The following KCNT2 variants were observed in gnomAD, a reference collection of about 807,000 sequenced individuals.
KCNT2 encodes the protein potassium sodium-activated channel subfamily T member 2.
In KCNT2, 67 loss-of-function variants were observed where a neutral mutation model predicts 153.8. The ratio of observed to expected loss-of-function variants is 0.44; its 90% CI spans 0.36 to 0.53. KCNT2 has a LOEUF of 0.53. Ranked by LOEUF, KCNT2 falls within the 20% of genes least tolerant of loss-of-function variation. The pLI is 0.00. For synonymous variants in KCNT2, 500 were observed against 458.8 expected, an observed-to-expected ratio of 1.09 and a Z score of -1.15; for missense variants, 975 against 1,354.8, an observed-to-expected ratio of 0.72 and a Z score of 4.40.
At chr1:196,467,566 T>A (rs956316693) in intron 7 of KCNT2, 137 bp downstream of exon 7, 3 of 460,768 alleles carry the variant, frequency 6.5e-6, no homozygotes, top group Admixed American at 3.6e-5. Context: ...ATAGTATGAG[T>A]TAAACGTTAT....
intron 8 of KCNT2, among the ~76,000 whole-genome samples, chr1:196,449,151 C>T (rs1207392025): frequency 1.3e-5 from 2 of 151,302 alleles, no homozygotes; most frequent in African/African-American, 4.8e-5. Flanking sequence ...AAAAGAAGAC[C>T]GAGTACTCTC....
At chr1:196,334,171 G>T (rs1199921090) in intron 16 of KCNT2, 111 bp from the exon 17 acceptor site, 3 of 650,952 alleles carry the variant, frequency 4.6e-6, no homozygotes, top group Non-Finnish European at 7.9e-6. Flanking sequence ...TATATATAGA[G>T]AGAGTATATA....
chr1:196,320,793 A>G (rs1355625296), intron 19 of KCNT2, among the ~76,000 whole-genome samples: 1 of 151,594 alleles, frequency 6.6e-6, no homozygotes, highest in Admixed American at 6.6e-5. Flanking sequence ...CTTTGTAGTC[A>G]TTAAAATGAC....
chr1:196,558,785 G>A (rs1659016262), intron 1 of KCNT2, among the ~76,000 whole-genome samples: 1 of 151,436 alleles, frequency 6.6e-6, no homozygotes, highest in Non-Finnish European at 1.5e-5. Flanking sequence ...TTGCAGAAAT[G>A]TAGTAAACCT....
At chr1:196,357,266 T>G (rs1667250477) in intron 14 of KCNT2, among the ~76,000 whole-genome samples, 1 of 151,936 alleles carries the variant, frequency 6.6e-6, no homozygotes, top group African/African-American at 2.4e-5. Flanking sequence ...GGGCTTCAAT[T>G]ATATGACCTT....
chr1:196,380,837 C>T (rs1301398491), intron 13 of KCNT2, among the ~76,000 whole-genome samples: 1 of 152,112 alleles, frequency 6.6e-6, no homozygotes, highest in African/African-American at 2.4e-5. Context: ...TAATGTCTTG[C>T]AATCAAGTGA....
chr1:196,543,404 T>A (rs1656646178), intron 1 of KCNT2, among the ~76,000 whole-genome samples: 1 of 152,074 alleles, frequency 6.6e-6, no homozygotes, highest in African/African-American at 2.4e-5. Context: ...TATATAACAA[T>A]AGAAACATAA....
chr1:196,571,976 C>G (rs544408259), intron 1 of KCNT2, among the ~76,000 whole-genome samples: 1 of 152,148 alleles, frequency 6.6e-6, no homozygotes, highest in East Asian at 1.9e-4. Context: ...AAGTAAGAAG[C>G]AGGACCTGAA....
At chr1:196,334,439 A>T (rs1664789676) in intron 16 of KCNT2, among the ~76,000 whole-genome samples, 2 of 126,510 alleles carry the variant, frequency 1.6e-5, no homozygotes, top group Middle Eastern at 8.7e-3. Flanking sequence ...TGAATTTTTC[A>T]TTATGTGTTT....
intron 1 of KCNT2, among the ~76,000 whole-genome samples, chr1:196,581,185 C>T (rs1297747323): frequency 6.6e-6 from 1 of 151,974 alleles, no homozygotes; most frequent in African/African-American, 2.4e-5. Flanking sequence ...AATAAGATCA[C>T]ATAAATGCTA....
Position 196,425,842 on chromosome 1 carries a change from G to A in KCNT2, c.1121+10C>T. 1 of 1,610,172 alleles carries A rather than the reference G, an allele frequency of 6.2e-7. No individual in the cohort carries two copies. Among genetic ancestry groups the A allele is most frequent in the Non-Finnish European group, 8.5e-7 (1 of 1,177,998 alleles). ...CTGTAAGCTGCAAGATGAAAGGCAG[G>A]GATACCTACTTTGCTCTCAATAGGT... On this transcript the variant is annotated intron_variant, in intron 11 of 27. Transcript: ENST00000294725.
At chr1:196,241,599 G>A (rs948286289) in intron 26 of KCNT2, among the ~76,000 whole-genome samples, 9 of 151,956 alleles carry the variant, frequency 5.9e-5, no homozygotes, top group African/African-American at 2.2e-4. Flanking sequence ...TGATAGGCAA[G>A]ATAAAATTAT....
chr1:196,332,781 GC>G (rs1379420206), intron 17 of KCNT2, among the ~76,000 whole-genome samples: 1 of 148,458 alleles, frequency 6.7e-6, no homozygotes, highest in Non-Finnish European at 1.5e-5. Context: ...TAAATTATTG[GC>G]TAGTTTTTTT....
rs950967776 is a variant in KCNT2, at chr1:196,503,721, G to T, written c.96-11380C>A. 3.3e-5 allele frequency among the ~76,000 whole-genome samples: 5 copies of T among 152,266 alleles called. No homozygotes were observed. The South Asian group carries it at 1.0e-3, about 32-fold the overall frequency. On this transcript the variant is annotated intron_variant, in intron 1 of 27. Coordinates refer to ENST00000294725, the MANE Select transcript of KCNT2 (RefSeq NM_198503.5). ...TATGTTCAACAGATGAGAGTTATTTGTATGAAACTGGAAGTTACATGAACA... is the reference window on the plus strand; with the variant it reads ...TATGTTCAACAGATGAGAGTTATTTTTATGAAACTGGAAGTTACATGAACA...
chr1:196,446,738 T>C (rs915664812), intron 8 of KCNT2, among the ~76,000 whole-genome samples: 9 of 151,544 alleles, frequency 5.9e-5, no homozygotes, highest in Non-Finnish European at 7.4e-5. Flanking sequence ...TAAAACCTAG[T>C]GAACTAAACC....
intron 26 of KCNT2, among the ~76,000 whole-genome samples, chr1:196,238,773 A>C (rs1342795847): frequency 6.6e-6 from 1 of 152,030 alleles, no homozygotes. Context: ...CGGCACATGC[A>C]TACATATGTA....
intron 13 of KCNT2, among the ~76,000 whole-genome samples, chr1:196,392,444 T>C (rs1670574211): frequency 6.6e-6 from 1 of 151,424 alleles, no homozygotes; most frequent in African/African-American, 2.4e-5. Context: ...CTAAGCATTA[T>C]GTTCTTAAGT....
intron 1 of KCNT2, among the ~76,000 whole-genome samples, chr1:196,495,650 T>C (rs1680195249): frequency 6.6e-6 from 1 of 152,182 alleles, no homozygotes; most frequent in South Asian, 2.1e-4. Context: ...TAGTGTACTC[T>C]TTCTGGACCT....
chr1:196,501,355 A>G (rs1283126127), intron 1 of KCNT2, among the ~76,000 whole-genome samples: 1 of 152,196 alleles, frequency 6.6e-6, no homozygotes, highest in Admixed American at 6.5e-5. Context: ...GGGTAGATAT[A>G]GATACACACA....
Sources: gnomAD v4.1 joint callset for allele counts (sites outside exome capture counted in the v4.1 genomes callset) on GRCh38, gnomAD v4.1.1 for gene constraint, MANE v1.5 for transcripts, NCBI Gene and HGNC (gene_info 2026-07-23, HGNC 2026-07-21) for gene names.